SLC9A9: variants seen among roughly 807,000 people sequenced by gnomAD.
The protein encoded by SLC9A9 is sodium/hydrogen exchanger 9.
In SLC9A9, 62 loss-of-function variants were observed where a neutral mutation model predicts 77.8. The observed-to-expected ratio is 0.80, with a 90% CI of 0.65 to 0.98. The LOEUF (loss-of-function observed/expected upper bound fraction) is 0.98. SLC9A9 is among the 50% of genes least tolerant of loss of function. SLC9A9 has a pLI of 0.00. For missense variants in SLC9A9, 775 were observed against 774.9 expected, an observed-to-expected ratio of 1.00 and a Z score of 0.00; for synonymous variants, 320 against 283.5, an observed-to-expected ratio of 1.13 and a Z score of -1.29.
intron 13 of SLC9A9, among the ~76,000 whole-genome samples, chr3:143,379,002 A>G (rs2033241541): frequency 6.6e-6 from 1 of 151,602 alleles, no homozygotes; most frequent in African/African-American, 2.4e-5. Flanking sequence ...AGAACAAAGA[A>G]GAAATTTAAA....
chr3:143,475,189 G>A (rs1171084838), intron 11 of SLC9A9, among the ~76,000 whole-genome samples: 1 of 149,594 alleles, frequency 6.7e-6, no homozygotes, highest in African/African-American at 2.5e-5. Flanking sequence ...GGATGGTTTC[G>A]ATTTCCTGAC....
rs1188778689 is a variant in SLC9A9, at chr3:143,310,526, A to C, written c.1605-41546T>G. 1.9e-4 allele frequency among the ~76,000 whole-genome samples: 27 copies of C among 140,932 alleles called. 2 individuals are homozygous for C. Among genetic ancestry groups the C allele is most frequent in the African/African-American group, 7.3e-4 (27 of 37,036 alleles). The allele number at this position is 140,932 out of a possible 152,430, so 92.5% of individuals were successfully genotyped here. ...ACAAAACAAAACCAGAAAGTCTTCT[A>C]TCAAAAAAAAAAAAAAAAGCCCGAA... On this transcript the variant is annotated intron_variant, in intron 14 of 15. Transcript: ENST00000316549.
At chr3:143,837,087 G>A (rs983398685) in intron 1 of SLC9A9, among the ~76,000 whole-genome samples, 1 of 152,036 alleles carries the variant, frequency 6.6e-6, no homozygotes, top group African/African-American at 2.4e-5. Context: ...TTTTTAAAAA[G>A]CTTAAATAAA....
At chr3:143,280,765 CTGGTCT>C (rs1938193638) in intron 14 of SLC9A9, among the ~76,000 whole-genome samples, 1 of 152,074 alleles carries the variant, frequency 6.6e-6, no homozygotes, top group Admixed American at 6.6e-5. Context: ...GTTGGACAGG[CTGGTCT>C]CGAACTCCTG....
chr3:143,411,884 A>G (rs1414573032), intron 12 of SLC9A9, among the ~76,000 whole-genome samples: 1 of 152,248 alleles, frequency 6.6e-6, no homozygotes, highest in East Asian at 1.9e-4. Flanking sequence ...GTACAGAGGC[A>G]GGAGGTATGC....
rs776525691 is a variant in SLC9A9 at position 143,795,281 on chromosome 3, G to GAAAAA, written c.457-209_457-205dup. ...GACTGGAGGGAAAAGTCAAGAAGCA[G>GAAAAA]AAAAAAAAAAAAAAAAAAACCCACT... is the stretch of plus-strand genomic sequence containing the variant. On this transcript the variant is annotated intron_variant, in intron 3 of 15. Transcript: ENST00000316549. Among the ~76,000 whole-genome samples the GAAAAA allele has an allele frequency of 9.0e-3, 649 of 72,110 alleles. 14 individuals are homozygous for GAAAAA. The highest frequency in any genetic ancestry group is 0.031 in the African/African-American group (596 of 19,170). The allele number at this position is 72,110 out of a possible 152,430, so 47.3% of individuals were successfully genotyped here.
intron 5 of SLC9A9, among the ~76,000 whole-genome samples, chr3:143,660,852 T>C (rs1446791572): frequency 6.6e-6 from 1 of 152,210 alleles, no homozygotes; most frequent in Non-Finnish European, 1.5e-5. Flanking sequence ...ACCCATGTTT[T>C]AGATTATGCT....
chr3:143,634,231 T>C (rs187208134), intron 6 of SLC9A9, among the ~76,000 whole-genome samples: 205 of 152,212 alleles, frequency 1.3e-3, no homozygotes, highest in African/African-American at 4.8e-3. Context: ...ATCTAGTGGG[T>C]CCTTTATGTC....
chr3:143,608,333 G>A (rs2037961847), intron 6 of SLC9A9, among the ~76,000 whole-genome samples: 1 of 152,184 alleles, frequency 6.6e-6, no homozygotes, highest in African/African-American at 2.4e-5. Context: ...ACATCTGTGG[G>A]TGTTTTCCCC....
intron 6 of SLC9A9, among the ~76,000 whole-genome samples, chr3:143,635,151 A>C (rs1036711718): frequency 5.3e-5 from 8 of 152,206 alleles, no homozygotes; most frequent in Non-Finnish European, 8.8e-5. Context: ...TGCAGGATCC[A>C]CTTCAAAGAT....
chr3:143,350,044 C>A (rs987895691), intron 14 of SLC9A9, among the ~76,000 whole-genome samples: 7 of 152,100 alleles, frequency 4.6e-5, no homozygotes, highest in Admixed American at 1.3e-4. Context: ...GACAGGGAAC[C>A]AACCACACAT....
intron 14 of SLC9A9, among the ~76,000 whole-genome samples, chr3:143,349,171 T>C (rs1359094535): frequency 6.6e-6 from 1 of 152,222 alleles, no homozygotes; most frequent in African/African-American, 2.4e-5. Flanking sequence ...CTGTTTATTC[T>C]TTGTGAGGGA....
intron 6 of SLC9A9, among the ~76,000 whole-genome samples, chr3:143,636,456 T>A (rs933041549): frequency 6.6e-6 from 1 of 152,186 alleles, no homozygotes; most frequent in African/African-American, 2.4e-5. Flanking sequence ...TTATTTTGAT[T>A]TTCCCAGTTT....
intron 10 of SLC9A9, among the ~76,000 whole-genome samples, chr3:143,494,343 C>T (rs938516792): frequency 4.6e-5 from 7 of 152,170 alleles, no homozygotes; most frequent in Admixed American, 1.3e-4. Flanking sequence ...AAAATATTGG[C>T]GCTCTTCATC....
chr3:143,681,322 T>C (rs1933083247), intron 5 of SLC9A9, among the ~76,000 whole-genome samples: 1 of 152,236 alleles, frequency 6.6e-6, no homozygotes, highest in Non-Finnish European at 1.5e-5. Flanking sequence ...GAATTTTTAT[T>C]AGTAACGCTG....
intron 11 of SLC9A9, among the ~76,000 whole-genome samples, chr3:143,484,531 T>G (rs555000044): frequency 5.1e-4 from 77 of 152,320 alleles, no homozygotes; most frequent in African/African-American, 1.8e-3. Flanking sequence ...ATTCATCACC[T>G]GATACCTGAT....
At chr3:143,498,639 C>T (rs2035879505) in intron 9 of SLC9A9, among the ~76,000 whole-genome samples, 1 of 151,190 alleles carries the variant, frequency 6.6e-6, no homozygotes, top group East Asian at 1.9e-4. Flanking sequence ...GTTTAATCAC[C>T]CAGGAAAGTG....
At chr3:143,847,139 T>C (rs958839638) in intron 1 of SLC9A9, among the ~76,000 whole-genome samples, 2 of 152,210 alleles carry the variant, frequency 1.3e-5, no homozygotes, top group African/African-American at 4.8e-5. Flanking sequence ...TGTGCATTGA[T>C]CTGTACCCTG....
chr3:143,554,964 A>G (rs1036593450), intron 8 of SLC9A9, among the ~76,000 whole-genome samples: 1 of 151,942 alleles, frequency 6.6e-6, no homozygotes, highest in Non-Finnish European at 1.5e-5. Flanking sequence ...TTCCTGTACT[A>G]TATCTTGCTA....
Sources: allele counts gnomAD v4.1 joint callset (sites outside exome capture counted in the v4.1 genomes callset), GRCh38; gene constraint gnomAD v4.1.1; transcripts MANE v1.5; gene names NCBI Gene and HGNC (gene_info 2026-07-23, HGNC 2026-07-21).